SLC35D4: variants seen among roughly 807,000 people sequenced by gnomAD.
SLC35D4 encodes solute carrier family 35 member D4.
chr18:23,368,117 G>C, the SLC35D4 span, among the ~76,000 whole-genome samples: 2 of 152,152 alleles, frequency 1.3e-5, no homozygotes, highest in Non-Finnish European at 2.9e-5. Context: ...TGAAAGTCTA[G>C]TTTAAAATGT....
chr18:23,363,489 G>A, the SLC35D4 span, among the ~76,000 whole-genome samples: 1 of 143,262 alleles, frequency 7.0e-6, no homozygotes, highest in Non-Finnish European at 1.5e-5. Context: ...ATTCTCCTGC[G>A]TCAGCCTCCC....
At chr18:23,286,776 CT>C in the SLC35D4 span, among the ~76,000 whole-genome samples, 1 of 152,078 alleles carries the variant, frequency 6.6e-6, no homozygotes, top group Non-Finnish European at 1.5e-5. Flanking sequence ...CTTTTAAGCA[CT>C]CCTTTTAGTT....
chr18:23,413,817 G>A, the SLC35D4 span, among the ~76,000 whole-genome samples: 1 of 151,948 alleles, frequency 6.6e-6, no homozygotes, highest in African/African-American at 2.4e-5. Flanking sequence ...GGTGATGCAC[G>A]CCTGTAGCCC....
At chr18:23,337,738 G>T in the SLC35D4 span, among the ~76,000 whole-genome samples, 3 of 152,126 alleles carry the variant, frequency 2.0e-5, no homozygotes, top group African/African-American at 7.2e-5. Context: ...GTTCAATATT[G>T]TGGCAATAGA....
At chr18:23,352,346 T>C in the SLC35D4 span, 1 of 1,398,358 alleles carries the variant, frequency 7.2e-7, no homozygotes, top group Non-Finnish European at 9.9e-7. Flanking sequence ...AGCCAATGGC[T>C]GACTAGTGTC....
chr18:23,374,613 G>GT, the SLC35D4 span, among the ~76,000 whole-genome samples: 1 of 151,648 alleles, frequency 6.6e-6, no homozygotes, highest in Non-Finnish European at 1.5e-5. Flanking sequence ...AGCCTCCCGA[G>GT]TAACTGTGAT....
chr18:23,339,001 C>A, the SLC35D4 span, among the ~76,000 whole-genome samples: 1 of 152,168 alleles, frequency 6.6e-6, no homozygotes, highest in African/African-American at 2.4e-5. Flanking sequence ...AATCCTCCTG[C>A]CTCAGCCTCC....
chr18:23,407,052 C>G, the SLC35D4 span, among the ~76,000 whole-genome samples: 1 of 152,170 alleles, frequency 6.6e-6, no homozygotes. Context: ...TCAAACAACT[C>G]TCCCACCTCA....
At chr18:23,276,714 C>T in the SLC35D4 span, among the ~76,000 whole-genome samples, 3 of 152,338 alleles carry the variant, frequency 2.0e-5, no homozygotes, top group South Asian at 4.1e-4. Context: ...CTAGCCAGTC[C>T]CTGCCCGCCT....
the SLC35D4 span, among the ~76,000 whole-genome samples, chr18:23,408,172 CACACA>C: frequency 2.1e-4 from 32 of 151,928 alleles, no homozygotes; most frequent in African/African-American, 6.5e-4. Context: ...CACACACACA[CACACA>C]CACCCCTAAC....
At chr18:23,394,726 C>T in the SLC35D4 span, among the ~76,000 whole-genome samples, 1 of 152,038 alleles carries the variant, frequency 6.6e-6, no homozygotes, top group Non-Finnish European at 1.5e-5. Context: ...AATCCCAGCA[C>T]TTTGGGAGGC....
At chr18:23,344,385 C>T in the SLC35D4 span, among the ~76,000 whole-genome samples, 1 of 152,102 alleles carries the variant, frequency 6.6e-6, no homozygotes, top group East Asian at 1.9e-4. Flanking sequence ...AATGGGATTG[C>T]TGGTTTGAAT....
chr18:23,369,914 C>T, the SLC35D4 span, among the ~76,000 whole-genome samples: 1 of 152,238 alleles, frequency 6.6e-6, no homozygotes, highest in Non-Finnish European at 1.5e-5. Context: ...GGTGTGGTGG[C>T]TCACGCCTGT....
chr18:23,281,772 G>A, the SLC35D4 span, among the ~76,000 whole-genome samples: 2 of 152,150 alleles, frequency 1.3e-5, no homozygotes, highest in African/African-American at 2.4e-5. Flanking sequence ...ATTTTGCCTC[G>A]AGGACAACTC....
the SLC35D4 span, among the ~76,000 whole-genome samples, chr18:23,361,787 A>T: frequency 1.3e-5 from 2 of 152,210 alleles, no homozygotes; most frequent in South Asian, 4.1e-4. Context: ...AAATTAATCC[A>T]TGCAAGTATC....
At chr18:23,370,485 C>A in the SLC35D4 span, among the ~76,000 whole-genome samples, 1 of 152,188 alleles carries the variant, frequency 6.6e-6, no homozygotes, top group Non-Finnish European at 1.5e-5. Flanking sequence ...GCAGTCAGTC[C>A]TTCCATTGGT....
the SLC35D4 span, among the ~76,000 whole-genome samples, chr18:23,346,509 T>A: frequency 1.6e-4 from 25 of 151,996 alleles, no homozygotes; most frequent in African/African-American, 5.8e-4. Flanking sequence ...TCCTTTCCAA[T>A]CTGGATGCTT....
At chr18:23,373,009 A>G in the SLC35D4 span, among the ~76,000 whole-genome samples, 2 of 152,076 alleles carry the variant, frequency 1.3e-5, no homozygotes, top group Admixed American at 6.6e-5. Flanking sequence ...AGCACAGGAT[A>G]ATAAAATAAA....
chr18:23,286,749 C>T, the SLC35D4 span, among the ~76,000 whole-genome samples: 23 of 150,790 alleles, frequency 1.5e-4, no homozygotes, highest in South Asian at 6.4e-4. Flanking sequence ...AACTCTGGTG[C>T]CAACTTAGAC....
Sources: allele counts gnomAD v4.1 joint callset (sites outside exome capture counted in the v4.1 genomes callset), GRCh38; gene constraint gnomAD v4.1.1; transcripts MANE v1.5; gene names NCBI Gene and HGNC (gene_info 2026-07-23, HGNC 2026-07-21).